The following IMMP2L variants were observed in gnomAD, a reference collection of about 807,000 sequenced individuals.
IMMP2L encodes inner mitochondrial membrane peptidase subunit 2.
IMMP2L carries 18 observed loss-of-function variants against 19.3 expected under a neutral mutation model. The observed-to-expected ratio is 0.93, with a 90% CI of 0.64 to 1.38. IMMP2L has a LOEUF of 1.38. Among genes scored for constraint, IMMP2L ranks in the 40% most tolerant of loss-of-function variants. IMMP2L has a pLI of 0.00. For missense variants in IMMP2L, 233 were observed against 218.2 expected (o/e 1.07, Z -0.43); for synonymous variants, 76 against 73.0 (o/e 1.04, Z -0.21).
At chr7:111,263,166 G>T (rs1301014966) in intron 3 of IMMP2L, among the ~76,000 whole-genome samples, 2 of 152,180 alleles carry the variant, frequency 1.3e-5, no homozygotes, top group South Asian at 2.1e-4. Context: ...CATGGTAATT[G>T]TTACTGGTAT....
At position 111,479,843 on chromosome 7, in the gene IMMP2L, C is replaced by G. The variant is rs561028073; in HGVS notation, c.239+7395G>C. 7.9e-5 allele frequency among the ~76,000 whole-genome samples: 12 copies of G among 152,054 alleles called. No homozygotes were observed. The East Asian group carries it at 2.1e-3, about 27-fold the overall frequency. On this transcript the variant is annotated intron_variant, in intron 3 of 5. Transcript: ENST00000405709. ...TTTGTTCTTTGAAAACTTATAGTTA[C>G]CTCTCAAAGGATATAAAATTTATAA...
chr7:111,039,156 T>C (rs1453043223), intron 3 of IMMP2L, among the ~76,000 whole-genome samples: 1 of 152,204 alleles, frequency 6.6e-6, no homozygotes, highest in Non-Finnish European at 1.5e-5. Flanking sequence ...TTTTCACATA[T>C]GAGTTCACTG....
intron 3 of IMMP2L, among the ~76,000 whole-genome samples, chr7:111,397,556 A>T (rs1296638141): frequency 6.6e-6 from 1 of 152,166 alleles, no homozygotes; most frequent in Non-Finnish European, 1.5e-5. Context: ...TATCTATAAA[A>T]GTACAGTTTA....
intron 5 of IMMP2L, among the ~76,000 whole-genome samples, chr7:110,885,407 T>C (rs572281244): frequency 6.6e-6 from 1 of 151,756 alleles, no homozygotes; most frequent in East Asian, 1.9e-4. Flanking sequence ...ATGTAATGAG[T>C]GAAGATCCAA....
At chr7:111,525,938 C>A (rs1489972252) in intron 1 of IMMP2L, among the ~76,000 whole-genome samples, 1 of 152,022 alleles carries the variant, frequency 6.6e-6, no homozygotes, top group African/African-American at 2.4e-5. Flanking sequence ...TGAAGCAAGG[C>A]TGTCTATTCA....
chr7:111,187,204 G>A (rs897296082), intron 3 of IMMP2L, among the ~76,000 whole-genome samples: 8 of 152,138 alleles, frequency 5.3e-5, no homozygotes, highest in African/African-American at 1.9e-4. Context: ...TCTGTGGGCA[G>A]CAAGAAAATT....
At chr7:110,953,668 C>T (rs1213973366) in intron 4 of IMMP2L, among the ~76,000 whole-genome samples, 1 of 152,084 alleles carries the variant, frequency 6.6e-6, no homozygotes, top group Non-Finnish European at 1.5e-5. Flanking sequence ...ATCCATAATC[C>T]TTTGGGTATA....
In IMMP2L at chr7:111,123,184, G is replaced by A. The variant is rs757448665; in HGVS notation, c.240-159619C>T. 1.4e-5 allele frequency: 23 copies of A among 1,613,936 alleles called. No homozygotes were observed. Among genetic ancestry groups the A allele is most frequent in the South Asian group, 5.5e-5 (5 of 91,074 alleles). On this transcript the variant is annotated intron_variant, in intron 3 of 5. Transcript: ENST00000405709. This position sits in a 1 kb window ranked among gnomAD's most constrained non-coding sequence, Gnocchi z 6.4. ...TGAACTGCCTGAAAAATGTCTGTCC[G>A]AACTGAGCAACTTACAAGAACTCTA... is the stretch of plus-strand genomic sequence containing the variant.
At chr7:110,996,860 T>G (rs536714866) in intron 3 of IMMP2L, among the ~76,000 whole-genome samples, 2 of 152,198 alleles carry the variant, frequency 1.3e-5, no homozygotes, top group Admixed American at 1.3e-4. Context: ...TTATTCAGAT[T>G]ACAACAGGTT....
At chr7:111,087,627 T>G (rs1414408104) in intron 3 of IMMP2L, among the ~76,000 whole-genome samples, 1 of 152,094 alleles carries the variant, frequency 6.6e-6, no homozygotes, top group Non-Finnish European at 1.5e-5. Flanking sequence ...TTATATGCAT[T>G]GTGGAGCTTA....
intron 4 of IMMP2L, among the ~76,000 whole-genome samples, chr7:110,961,070 C>T (rs2129555279): frequency 6.6e-6 from 1 of 151,920 alleles, no homozygotes; most frequent in East Asian, 1.9e-4. Context: ...AACTAGATTC[C>T]TTATGCATTG....
At chr7:110,754,526 G>A (rs1726316186) in intron 5 of IMMP2L, among the ~76,000 whole-genome samples, 1 of 151,792 alleles carries the variant, frequency 6.6e-6, no homozygotes, top group Non-Finnish European at 1.5e-5. Context: ...CTTTTCTATG[G>A]GTACAGAAAT....
intron 3 of IMMP2L, among the ~76,000 whole-genome samples, chr7:111,016,843 A>G (rs1168775751): frequency 1.2e-5 from 1 of 86,602 alleles, no homozygotes; most frequent in Non-Finnish European, 2.0e-5. Context: ...TATATATTAT[A>G]TATAATATAT....
intron 3 of IMMP2L, among the ~76,000 whole-genome samples, chr7:111,327,580 A>G (rs1302371858): frequency 1.3e-5 from 2 of 151,662 alleles, no homozygotes; most frequent in Non-Finnish European, 2.9e-5. Context: ...AATACATAAT[A>G]TATTAATAAA....
intron 3 of IMMP2L, among the ~76,000 whole-genome samples, chr7:111,002,451 C>A (rs996170451): frequency 6.6e-6 from 1 of 152,088 alleles, no homozygotes; most frequent in Non-Finnish European, 1.5e-5. Flanking sequence ...GGCTACCTTT[C>A]ACCTTTCACT....
In IMMP2L at chr7:110,968,062, C is replaced by T. The variant is rs1819741554; in HGVS notation, c.240-4497G>A. On this transcript the variant is annotated intron_variant, in intron 3 of 5. Transcript: ENST00000405709. ...CATGTGATGGTCCTCTTGTGCCCTG[C>T]AAATCCATGGACTGGAGAGAAATGG... 3.9e-5 allele frequency among the ~76,000 whole-genome samples: 6 copies of T among 151,944 alleles called. No homozygotes were observed. In the South Asian group the frequency reaches 1.0e-3, roughly 26 times the overall value.
At chr7:111,260,748 T>C (rs1436122565) in intron 3 of IMMP2L, among the ~76,000 whole-genome samples, 1 of 152,124 alleles carries the variant, frequency 6.6e-6, no homozygotes, top group Non-Finnish European at 1.5e-5. Context: ...TAAAGGAGTA[T>C]ACAATCGAAA....
intron 1 of IMMP2L, among the ~76,000 whole-genome samples, chr7:111,549,216 T>G (rs189394317): frequency 6.6e-6 from 1 of 152,162 alleles, no homozygotes; most frequent in Non-Finnish European, 1.5e-5. Flanking sequence ...AAGTCTATGA[T>G]AGTAACCAAG....
chr7:111,514,425 G>A (rs1051330833), intron 2 of IMMP2L, among the ~76,000 whole-genome samples: 14 of 151,992 alleles, frequency 9.2e-5, no homozygotes, highest in African/African-American at 4.8e-5. Context: ...TGTAAATGAC[G>A]AGTTAATGGG....
Sources: gnomAD v4.1 joint callset for allele counts (sites outside exome capture counted in the v4.1 genomes callset) on GRCh38, gnomAD v4.1.1 for gene constraint, Gnocchi (gnomAD v3.1) non-coding constraint, MANE v1.5 for transcripts, NCBI Gene and HGNC (gene_info 2026-07-23, HGNC 2026-07-21) for gene names.